The following SLC7A7 variants were observed in gnomAD, a reference collection of about 807,000 sequenced individuals.
The protein encoded by SLC7A7 is solute carrier family 7 member 7.
A neutral mutation model predicts 47.9 loss-of-function variants in SLC7A7; 39 were observed. The ratio of observed to expected loss-of-function variants is 0.81; its 90% confidence interval spans 0.63 to 1.06. The LOEUF (loss-of-function observed/expected upper bound fraction) is 1.06. Among genes scored for constraint, SLC7A7 ranks in the 50% least tolerant of loss-of-function variants. SLC7A7 has a pLI of 0.00. For missense variants in SLC7A7, 588 were observed against 632.0 expected (o/e 0.93, Z 0.75); for synonymous variants, 234 against 242.8 (o/e 0.96, Z 0.34).
intron 2 of SLC7A7, among the ~76,000 whole-genome samples, chr14:22,788,394 C>T (rs1163970076): frequency 1.3e-5 from 2 of 152,084 alleles, no homozygotes; most frequent in Admixed American, 6.6e-5. Flanking sequence ...AACCCAAATG[C>T]CCAGCAACAG....
rs10574852 is a variant in SLC7A7 at position 22,795,247 on chromosome 14, A to AT, written c.500-15197dup. ...AGGCATGCACCACCATGCCCAATTA[A>AT]TTTTTTTTTTTTTTTTTTGTAGAGA... On this transcript the variant is annotated intron_variant, in intron 2 of 9. Transcript: ENST00000674313. Among the ~76,000 whole-genome samples the AT allele has an allele frequency of 3.5e-3, 397 of 114,860 alleles. 2 individuals carry two copies. The highest frequency in any genetic ancestry group is 8.8e-3 in the Middle Eastern group (2 of 226). The allele number at this position is 114,860 out of a possible 152,430, so 75.4% of individuals were successfully genotyped here.
Position 22,775,494 on chromosome 14 carries a change from A to G in SLC7A7, c.1045T>C (p.Cys349Arg). ...SREGHLPDAI[C>R]MIHVERFTPV... ...GTGAACCGCTCAACATGGATCATGCAGATGGCATCAGGGAGATGGCCTTCT... is the reference window on the plus strand; with the variant it reads ...GTGAACCGCTCAACATGGATCATGCGGATGGCATCAGGGAGATGGCCTTCT... Residue 349 changes from cysteine to arginine, a missense_variant, in exon 7 of 10, where the codon TGC becomes CGC. By Grantham distance (180) the Cys-to-Arg change is radical. Coordinates refer to ENST00000674313, the MANE Select transcript of SLC7A7 (RefSeq NM_003982.4). 6.2e-7 allele frequency: 1 copy of G among 1,614,224 alleles called. No individual in the cohort carries two copies. Among genetic ancestry groups the G allele is most frequent in the Non-Finnish European group, 8.5e-7 (1 of 1,180,040 alleles).
intron 2 of SLC7A7, among the ~76,000 whole-genome samples, chr14:22,782,167 G>C (rs141490582): frequency 0.13 from 19,724 of 151,836 alleles, 1,603 homozygotes; most frequent in Non-Finnish European, 0.18. Flanking sequence ...CAATGGCGTG[G>C]TCTCGGCTCA....
chr14:22,813,500 C>T (rs934090738), intron 1 of SLC7A7, 60 bp from the exon 2 acceptor site: 1 of 1,437,062 alleles, frequency 7.0e-7, no homozygotes, highest in Non-Finnish European at 9.6e-7. Context: ...AGAACCTCTA[C>T]CCGCCTCCAA....
intron 7 of SLC7A7, 109 bp from the exon 8 acceptor site, chr14:22,774,612 C>T (rs942669427): frequency 1.4e-6 from 2 of 1,434,230 alleles, no homozygotes; most frequent in African/African-American, 2.8e-5. Flanking sequence ...TCAAAGTCTC[C>T]TGGTCCTCTT....
At chr14:22,805,560 C>T (rs10133893) in intron 2 of SLC7A7, among the ~76,000 whole-genome samples, 19,121 of 152,112 alleles carry the variant, frequency 0.13, 1,370 homozygotes, top group South Asian at 0.19. Flanking sequence ...GGGAGCTGAA[C>T]GGTGAGAACA....
chr14:22,812,805 A>C, intron 2 of SLC7A7, 95 bp downstream of exon 2: 43 of 1,024,920 alleles, frequency 4.2e-5, no homozygotes, highest in Non-Finnish European at 5.9e-5. Flanking sequence ...TGTCAGAGAC[A>C]TTCCTCTCTA....
intron 2 of SLC7A7, among the ~76,000 whole-genome samples, chr14:22,803,101 G>A (rs2039143522): frequency 6.6e-6 from 1 of 152,178 alleles, no homozygotes; most frequent in South Asian, 2.1e-4. Flanking sequence ...AGAGAGACAA[G>A]TAAATGATGT....
At chr14:22,781,366 C>G (rs760038663) in intron 2 of SLC7A7, among the ~76,000 whole-genome samples, 34 of 152,158 alleles carry the variant, frequency 2.2e-4, no homozygotes, top group Non-Finnish European at 5.0e-4. Context: ...CCTCTCAGAA[C>G]AGCTGCCCCA....
rs760898785 is a variant in SLC7A7 at position 22,774,027 on chromosome 14, G to A, written c.1335C>T (p.Ile445=). 1.8e-5 allele frequency: 29 copies of A among 1,614,140 alleles called. No homozygotes were observed. The highest frequency in any genetic ancestry group is 3.3e-4 in the Middle Eastern group (2 of 6,060). The change falls in exon 9 of 10, where the codon ATC becomes ATT. Residue 445 remains isoleucine (I), a synonymous_variant. Transcript: ENST00000674313. Reference sequence around the variant, plus strand: ...GGCCTGAGAGGGCAATGGCAATGCCGATGAGGGAGTTGATAGTATCACTGT... The same window carrying A: ...GGCCTGAGAGGGCAATGGCAATGCCAATGAGGGAGTTGATAGTATCACTGT... ...PLYSDTINSL[I]GIAIALSGLP...
At chr14:22,778,720 T>C (rs2038660695) in intron 4 of SLC7A7, 73 bp downstream of exon 4, 1 of 1,529,408 alleles carries the variant, frequency 6.5e-7, no homozygotes, top group Non-Finnish European at 9.0e-7. Flanking sequence ...TGTGGTATGC[T>C]GTCTGGCACG....
At chr14:22,776,119 C>T in intron 5 of SLC7A7, 76 bp downstream of exon 5, 1 of 1,600,312 alleles carries the variant, frequency 6.2e-7, no homozygotes, top group Non-Finnish European at 8.6e-7. Flanking sequence ...ACCCCCTTTC[C>T]AGGACTTTCA....
At chr14:22,805,633 G>A (rs2039188646) in intron 2 of SLC7A7, among the ~76,000 whole-genome samples, 1 of 152,140 alleles carries the variant, frequency 6.6e-6, no homozygotes, top group Non-Finnish European at 1.5e-5. Flanking sequence ...TTGGTAGAGG[G>A]AGGGCATCAG....
At chr14:22,815,582 C>T, upstream of SLC7A7, 2 of 454,068 alleles carry the variant, frequency 4.4e-6, no homozygotes, top group Non-Finnish European at 8.8e-6. Flanking sequence ...GCAAAAGGGG[C>T]AGCTAGGAGC....
At chr14:22,781,332 A>C (rs1221272754) in intron 2 of SLC7A7, among the ~76,000 whole-genome samples, 1 of 152,032 alleles carries the variant, frequency 6.6e-6, no homozygotes, top group Non-Finnish European at 1.5e-5. Context: ...TGGCTACTTC[A>C]TCCTGAGAAG....
At chr14:22,787,417 C>T (rs1238934589) in intron 2 of SLC7A7, among the ~76,000 whole-genome samples, 2 of 148,200 alleles carry the variant, frequency 1.3e-5, no homozygotes, top group African/African-American at 5.1e-5. Flanking sequence ...GCCTGGGCGA[C>T]AGAGTGAGAC....
At chr14:22,780,998 A>G (rs921464296) in intron 2 of SLC7A7, among the ~76,000 whole-genome samples, 27 of 152,082 alleles carry the variant, frequency 1.8e-4, no homozygotes, top group African/African-American at 6.3e-4. Flanking sequence ...GTAGCCCCAG[A>G]ATGTGGCCGA....
intron 2 of SLC7A7, among the ~76,000 whole-genome samples, chr14:22,798,823 T>G (rs1217541276): frequency 2.0e-5 from 3 of 152,166 alleles, no homozygotes; most frequent in Non-Finnish European, 4.4e-5. Flanking sequence ...TATTTTAAAC[T>G]TAATAGCTCC....
chr14:22,799,643 C>G (rs1378149816), intron 2 of SLC7A7, among the ~76,000 whole-genome samples: 1 of 151,758 alleles, frequency 6.6e-6, no homozygotes, highest in Non-Finnish European at 1.5e-5. Flanking sequence ...TTAGTAGAGA[C>G]AGGGTTTCGC....
Sources: gnomAD v4.1 joint callset for allele counts (sites outside exome capture counted in the v4.1 genomes callset) on GRCh38, gnomAD v4.1.1 for gene constraint, MANE v1.5 for transcripts, NCBI Gene and HGNC (gene_info 2026-07-23, HGNC 2026-07-21) for gene names.